AHRR: variants seen among roughly 807,000 people sequenced by gnomAD.
AHRR encodes the protein aryl hydrocarbon receptor repressor, also known as ahR repressor.
AHRR carries 28 observed loss-of-function variants against 44.0 expected under a neutral mutation model. That is an observed-to-expected ratio of 0.64 (90% CI 0.47 to 0.87). The LOEUF (loss-of-function observed/expected upper bound fraction) is 0.87, where lower values mean the gene tolerates loss of function less well. Among genes scored for constraint, AHRR ranks in the 40% least tolerant of loss-of-function variants. AHRR has a pLI of 0.00. For missense variants in AHRR, 990 were observed against 953.9 expected (o/e 1.04, Z -0.50); for synonymous variants, 434 against 407.0 (o/e 1.07, Z -0.80).
rs765433353 is a variant in AHRR at position 423,843 on chromosome 5, G to C, written c.574G>C (p.Asp192His). The change falls in exon 7 of 11, where the codon GAT (aspartate) becomes CAT (histidine). Residue 192 changes from aspartate to histidine, a missense_variant and splice_region_variant. By Grantham distance (81) the Asp-to-His change is moderately conservative (BLOSUM62 -1). Coordinates refer to ENST00000684583, the MANE Select transcript of AHRR (RefSeq NM_001377236.1). Reference sequence around the variant, plus strand: ...CCCTTGGCCCCTATGGTCTGCAGGAGATGATGCTATCCTGGGGAGGCTGCT... The same window carrying C: ...CCCTTGGCCCCTATGGTCTGCAGGACATGATGCTATCCTGGGGAGGCTGCT... Reference protein sequence around the residue: ...FGQPPPLETGDDAILGRLLRA... With the variant: ...FGQPPPLETGHDAILGRLLRA... 1.2e-6 allele frequency: 2 copies of C among 1,601,208 alleles called. No individual in the cohort carries two copies. The highest frequency in any genetic ancestry group is 2.2e-5 in the South Asian group (2 of 90,822).
chr5:353,515 C>T (rs1295481618), intron 2 of AHRR, among the ~76,000 whole-genome samples: 1 of 152,194 alleles, frequency 6.6e-6, no homozygotes, highest in Non-Finnish European at 1.5e-5. Flanking sequence ...CTCTCTACAT[C>T]CCCTCCAGAT....
intron 5 of AHRR, 134 bp from the exon 6 acceptor site, chr5:422,595 C>T (rs1375036125): frequency 1.0e-5 from 13 of 1,251,750 alleles, no homozygotes; most frequent in South Asian, 6.4e-5. Context: ...GCCGTCTCTT[C>T]GGTGGGATTC....
chr5:393,572 T>C lies in AHRR; in HGVS notation c.351+16856T>C, dbSNP rs1292671903. On this transcript the variant is annotated intron_variant, in intron 4 of 10. Transcript: ENST00000684583. ...TTGCTGCTGAGCCTGGTGGGTCTGC[T>C]CTTTCCTGGAGGCTGTGCTCTTGCT... Among the ~76,000 whole-genome samples the C allele has an allele frequency of 2.6e-5, 4 of 152,202 alleles. No homozygotes were observed. The East Asian group carries it at 7.7e-4, about 29-fold the overall frequency.
At chr5:394,662 T>C (rs948722820) in intron 4 of AHRR, among the ~76,000 whole-genome samples, 1 of 152,148 alleles carries the variant, frequency 6.6e-6, no homozygotes. Context: ...GAACCCTGCT[T>C]GTCTTCGCCC....
intron 3 of AHRR, among the ~76,000 whole-genome samples, chr5:363,783 G>A (rs780218150): frequency 3.9e-5 from 6 of 152,120 alleles, no homozygotes; most frequent in African/African-American, 1.4e-4. Context: ...GTACAGGTTG[G>A]GTGGGGACAG....
At chr5:361,105 C>G (rs1743162612) in intron 3 of AHRR, among the ~76,000 whole-genome samples, 1 of 152,140 alleles carries the variant, frequency 6.6e-6, no homozygotes, top group African/African-American at 2.4e-5. Flanking sequence ...AAAAATTAGC[C>G]AGGCATGGTG....
At chr5:360,065 T>C (rs1382678960) in intron 3 of AHRR, among the ~76,000 whole-genome samples, 2 of 152,142 alleles carry the variant, frequency 1.3e-5, no homozygotes, top group African/African-American at 2.4e-5. Context: ...TAATTCCCAG[T>C]GTGGCCGTAT....
intron 1 of AHRR, among the ~76,000 whole-genome samples, chr5:332,090 T>A: frequency 6.6e-6 from 1 of 152,216 alleles, no homozygotes; most frequent in Admixed American, 6.5e-5. Context: ...TTGTTTAATT[T>A]CCATGTATGT....
At chr5:389,454 C>A (rs1734312054) in intron 4 of AHRR, among the ~76,000 whole-genome samples, 1 of 152,200 alleles carries the variant, frequency 6.6e-6, no homozygotes, top group Non-Finnish European at 1.5e-5. Context: ...GCGAGGGAGC[C>A]ACGTGCTGCG....
chr5:437,156 C>G lies in AHRR; in HGVS notation c.*2322C>G, dbSNP rs1480962737. ...TTAAGCCCAGGAGTTCAAGACCAGC[C>G]TGGGCAACACAGGAAGAATGTGTCT... On this transcript the variant is annotated 3_prime_UTR_variant, in exon 11 of 11. Transcript: ENST00000684583. 6.6e-6 allele frequency: 1 copy of G among 152,402 alleles called. No individual in the cohort carries two copies. Among genetic ancestry groups the G allele is most frequent in the Non-Finnish European group, 1.5e-5 (1 of 68,076 alleles). 9.4% of individuals were successfully genotyped at this position (152,402 alleles called of 1,614,324 possible). A position where few individuals can be genotyped will look rare whatever the true frequency, so the allele number is the denominator to read the frequency against.
chr5:385,037 A>G (rs1734115819), intron 4 of AHRR, among the ~76,000 whole-genome samples: 1 of 152,086 alleles, frequency 6.6e-6, no homozygotes, highest in Non-Finnish European at 1.5e-5. Context: ...CCAGCTACTC[A>G]GGAGGCTGAG....
chr5:348,514 G>T (rs1349938476), intron 2 of AHRR, among the ~76,000 whole-genome samples: 1 of 152,088 alleles, frequency 6.6e-6, no homozygotes, highest in Non-Finnish European at 1.5e-5. Context: ...GTGGCCCCTC[G>T]TAATTCCTCC....
In AHRR at chr5:434,314, C is replaced by T. The variant is rs770111892; in HGVS notation, c.1574C>T (p.Pro525Leu). 5.0e-6 allele frequency: 8 copies of T among 1,610,456 alleles called. No individual in the cohort carries two copies. Among genetic ancestry groups the T allele is most frequent in the South Asian group, 1.1e-5 (1 of 90,610 alleles). ...VPMPPGDLCG[P>L]TLLLDVSIKM... ...ATGCCTCCGGGGGACCTGTGTGGTC[C>T]GACGCTGCTGCTAGATGTGTCCATC... The change falls in exon 11 of 11, where the codon CCG becomes CTG. Residue 525 changes from proline to leucine, a missense_variant. Physicochemically the swap from Pro to Leu is moderately conservative, Grantham distance 98. Transcript: ENST00000684583.
Position 413,368 on chromosome 5 carries a change from G to C in AHRR, c.376G>C (p.Val126Leu). 1 of 1,612,590 alleles carries C rather than the reference G, an allele frequency of 6.2e-7. No homozygotes were observed. Among genetic ancestry groups the C allele is most frequent in the Non-Finnish European group, 8.5e-7 (1 of 1,179,372 alleles). Residue 126 changes from valine (V) to leucine (L), a missense_variant, in exon 5 of 11, where the codon GTG (valine) becomes CTG (leucine). Val to Leu is a conservative substitution (Grantham distance 32). Coordinates refer to ENST00000684583, the MANE Select transcript of AHRR (RefSeq NM_001377236.1). ...GTCTCTTAATGGCTTTGCTCTGGTC[G>C]TGAGTGCAGAAGGGACGATATTTTA... ...LESLNGFALV[V>L]SAEGTIFYAS...
chr5:421,307 C>T (rs1269899661), intron 5 of AHRR: 35 of 696,888 alleles, frequency 5.0e-5, no homozygotes, highest in Non-Finnish European at 8.6e-5. Context: ...CTGCAGGTGC[C>T]CCCACGGTCG....
intron 5 of AHRR, among the ~76,000 whole-genome samples, chr5:415,732 T>TCTCCCTG (rs1735774598): frequency 2.4e-5 from 3 of 123,648 alleles, no homozygotes; most frequent in Non-Finnish European, 1.9e-5. Context: ...GCCTAGGGGC[T>TCTCCCTG]GTGCAGAGCA....
At position 370,691 on chromosome 5, in the gene AHRR, G is replaced by A. The variant is rs530573623; in HGVS notation, c.245-5919G>A. On this transcript the variant is annotated intron_variant, in intron 3 of 10. Coordinates refer to ENST00000684583, the MANE Select transcript of AHRR (RefSeq NM_001377236.1). The surrounding 1 kb of genome is among the most constrained non-coding windows in gnomAD (Gnocchi z 4.5). ...ATGGGAAGGCACAGGTGATGGGGTTGGGGACAGGTCTCGGGAAGGCACAGG... is the reference window on the plus strand; with the variant it reads ...ATGGGAAGGCACAGGTGATGGGGTTAGGGACAGGTCTCGGGAAGGCACAGG... 1.3e-4 allele frequency among the ~76,000 whole-genome samples: 20 copies of A among 151,476 alleles called. No homozygotes were observed. In the East Asian group the frequency reaches 2.2e-3, roughly 16 times the overall value.
chr5:366,939 G>A (rs1432378613), intron 3 of AHRR, among the ~76,000 whole-genome samples: 5 of 152,236 alleles, frequency 3.3e-5, no homozygotes, highest in Admixed American at 6.5e-5. Context: ...AGGGACTAAG[G>A]CAGTGTGGCG....
chr5:340,688 A>ATATATTT (rs1269938749), intron 1 of AHRR, among the ~76,000 whole-genome samples: 2 of 12,926 alleles, frequency 1.5e-4, no homozygotes, highest in African/African-American at 4.0e-4. Context: ...ATATATATAT[A>ATATATTT]TTTTTTTTTT....
Sources: allele counts gnomAD v4.1 joint callset (sites outside exome capture counted in the v4.1 genomes callset), GRCh38; gene constraint gnomAD v4.1.1; non-coding constraint Gnocchi (gnomAD v3.1); transcripts MANE v1.5; gene names NCBI Gene and HGNC (gene_info 2026-07-23, HGNC 2026-07-21).